The following MYH15 variants were observed in gnomAD, a reference collection of about 807,000 sequenced individuals.
MYH15 encodes myosin heavy chain 15.
Under a neutral mutation model 240.5 loss-of-function variants are expected in MYH15, and 227 were observed. The ratio of observed to expected loss-of-function variants is 0.94; its 90% CI spans 0.85 to 1.05. The LOEUF is 1.05. MYH15 is among the 50% of genes least tolerant of loss of function. The pLI, the probability that MYH15 is intolerant of heterozygous loss-of-function variation, is 0.00. For missense variants in MYH15, 2,217 were observed against 2,247.5 expected (o/e 0.99, Z 0.27); for synonymous variants, 785 against 796.7 (o/e 0.99, Z 0.25).
upstream of MYH15, among the ~76,000 whole-genome samples, chr3:108,513,250 T>C (rs577644122): frequency 6.0e-4 from 92 of 152,276 alleles, no homozygotes; most frequent in South Asian, 4.1e-3. Context: ...GAAAAGTTCA[T>C]CTACATGTTG....
intron 1 of MYH15, among the ~76,000 whole-genome samples, chr3:108,524,375 TTTATC>T (rs1026070925): frequency 1.6e-4 from 24 of 152,168 alleles, no homozygotes; most frequent in Admixed American, 9.8e-4. Flanking sequence ...TTTTATTTCG[TTTATC>T]TTGTCTACTT....
chr3:108,533,787 A>G (rs1045426762), upstream of MYH15, among the ~76,000 whole-genome samples: 12 of 152,194 alleles, frequency 7.9e-5, no homozygotes, highest in Non-Finnish European at 1.6e-4. Context: ...TAAAAGACGA[A>G]AGCCTAGGTA....
the MYH15 span, among the ~76,000 whole-genome samples, chr3:108,548,468 C>G: frequency 1.3e-5 from 2 of 152,106 alleles, no homozygotes; most frequent in East Asian, 3.8e-4. Context: ...TGGAACACAG[C>G]CATGACTAAT....
chr3:108,410,815 C>T lies in MYH15; in HGVS notation c.4263G>A (p.Leu1421=). Residue 1421 remains leucine, a synonymous_variant, in exon 31 of 41, where the codon CTG becomes CTA. Transcript: ENST00000693548. ...CAGAGCGGACCTTCCCGAGGTCAGA[C>T]AGGGCGTCCCCGAGCTCCAGCTGCA... The part of the protein sequence containing the change: ...HQLQLELGDA[L]SDLGKVRSAA... 2 of 1,614,050 alleles carry T rather than the reference C, an allele frequency of 1.2e-6. No individual in the cohort carries two copies. Among genetic ancestry groups the T allele is most frequent in the Non-Finnish European group, 1.7e-6 (2 of 1,179,904 alleles).
intron 37 of MYH15, 29 bp from the exon 38 acceptor site, chr3:108,389,103 AC>A: frequency 1.9e-6 from 3 of 1,591,218 alleles, no homozygotes; most frequent in Non-Finnish European, 2.6e-6. Context: ...CTCAGACCAG[AC>A]GCTGCCACCA....
chr3:108,455,818 A>G lies in MYH15; in HGVS notation c.2180T>C (p.Phe727Ser), dbSNP rs778111275. The change falls in exon 20 of 41, where the codon TTT (phenylalanine) becomes TCT (serine). Residue 727 changes from phenylalanine (F) to serine (S), a missense_variant. Physicochemically the swap from Phe to Ser is radical, Grantham distance 155. Transcript: ENST00000693548. ...TTCAGCTGCTTTTCTGCTGCTCACA[A>G]ACTTGCTCTTTGGAAAGGTCCTTGG... The part of the protein sequence containing the change: ...LNPRTFPKSK[F>S]VSSRKAAEEL... The G allele has an allele frequency of 6.2e-7, 1 of 1,613,392 alleles. No individual in the cohort carries two copies. The highest frequency in any genetic ancestry group is 1.1e-5 in the South Asian group (1 of 91,050).
At chr3:108,486,027 C>T (rs2107596171) in intron 10 of MYH15, among the ~76,000 whole-genome samples, 1 of 152,222 alleles carries the variant, frequency 6.6e-6, no homozygotes, top group Admixed American at 6.5e-5. Context: ...ATTTGAAATG[C>T]TTAAACGATT....
In MYH15 at chr3:108,441,076, T is replaced by C. The variant is rs2082880807; in HGVS notation, c.2840A>G (p.Asp947Gly). ...CTTCACCAACATTGTTTCCAGGTCA[T>C]CGATTTCTTTCTTCAACTCAAAACA... ...DECFELKKEI[D>G]DLETMLVKSE... Residue 947 changes from aspartate (D) to glycine (G), a missense_variant, in exon 23 of 41, where the codon GAT (aspartate) becomes GGT (glycine). Transcript: ENST00000693548. 1 of 1,614,206 alleles carries C rather than the reference T, an allele frequency of 6.2e-7. No individual in the cohort carries two copies. The highest frequency in any genetic ancestry group is 8.5e-7 in the Non-Finnish European group (1 of 1,180,020).
In MYH15 at chr3:108,414,232, T is replaced by A. The variant is rs770556828; in HGVS notation, c.4145A>T (p.Lys1382Met). ...TTAAGGATAGCCTTGCCCTACTCAC[T>A]TGGCATCCTCCAAGTCTTCTGTTCT... ...IQRTEDLEDA[K>M]KELAIRLQEA... Residue 1382 changes from lysine to methionine, a missense_variant and splice_region_variant, in exon 30 of 41, where the codon AAG (lysine) becomes ATG (methionine). Coordinates refer to ENST00000693548, the MANE Select transcript of MYH15 (RefSeq NM_014981.3). The A allele has an allele frequency of 3.1e-6, 5 of 1,613,846 alleles. No individual in the cohort carries two copies. In the Admixed American group the frequency reaches 8.3e-5, roughly 27 times the overall value.
intron 27 of MYH15, among the ~76,000 whole-genome samples, chr3:108,424,072 T>C (rs1470667868): frequency 6.6e-6 from 1 of 152,292 alleles, no homozygotes; most frequent in East Asian, 2.0e-4. Context: ...TGCTGTGCTA[T>C]GCACCTGTGT....
intron 11 of MYH15, among the ~76,000 whole-genome samples, chr3:108,479,569 C>A (rs1243212403): frequency 1.3e-5 from 2 of 152,016 alleles, no homozygotes; most frequent in African/African-American, 4.8e-5. Flanking sequence ...CTGAAATTCA[C>A]CCACAGAAAT....
chr3:108,397,781 T>C (rs1271000393), intron 35 of MYH15, among the ~76,000 whole-genome samples: 1 of 152,186 alleles, frequency 6.6e-6, no homozygotes, highest in Admixed American at 6.5e-5. Context: ...TGTTAGGGCT[T>C]TCCTGGCTCC....
Position 108,480,405 on chromosome 3 carries a change from C to T in MYH15, c.1115-3890G>A, listed in dbSNP as rs138113365. 3.5e-4 allele frequency among the ~76,000 whole-genome samples: 54 copies of T among 152,264 alleles called. 1 individual carries two copies. The South Asian group carries it at 5.0e-3, about 14-fold the overall frequency. ...GGAGTGAGTGAGAAACTGAGAAAAGCGGGTGACTTCTGGTCGCAGAAGACA... is the reference window on the plus strand; with the variant it reads ...GGAGTGAGTGAGAAACTGAGAAAAGTGGGTGACTTCTGGTCGCAGAAGACA... On this transcript the variant is annotated intron_variant, in intron 11 of 40. Coordinates refer to ENST00000693548, the MANE Select transcript of MYH15 (RefSeq NM_014981.3).
intron 1 of MYH15, among the ~76,000 whole-genome samples, chr3:108,527,706 C>G (rs1191487201): frequency 1.3e-5 from 2 of 150,302 alleles, no homozygotes; most frequent in East Asian, 3.9e-4. Context: ...TATCAAGGAG[C>G]TTAGAGGTTA....
chr3:108,513,174 A>G (rs532036091), upstream of MYH15, among the ~76,000 whole-genome samples: 85 of 152,304 alleles, frequency 5.6e-4, 1 homozygote, highest in Non-Finnish European at 9.6e-4. Flanking sequence ...AAGAATCAGG[A>G]AGCTATATTT....
At position 108,485,244 on chromosome 3, in the gene MYH15, A is replaced by G; in HGVS notation, c.976-15T>C. ...TCCATGGCTTGCTGTAAAAAGAGAA[A>G]CAGATGGCCCTGTCTTCATTTGCTT... is the stretch of plus-strand genomic sequence containing the variant. On this transcript the variant is annotated splice_polypyrimidine_tract_variant and intron_variant, in intron 10 of 40. Transcript: ENST00000693548. 5 of 1,613,580 alleles carry G rather than the reference A, an allele frequency of 3.1e-6. No homozygotes were observed. Among genetic ancestry groups the G allele is most frequent in the Non-Finnish European group, 4.2e-6 (5 of 1,179,782 alleles).
chr3:108,407,816 A>C (rs2082557856), intron 32 of MYH15, among the ~76,000 whole-genome samples: 1 of 152,212 alleles, frequency 6.6e-6, no homozygotes, highest in South Asian at 2.1e-4. Flanking sequence ...CATGCCAGGC[A>C]ATGTTCTAGG....
chr3:108,515,865 C>T (rs2083568554), intron 1 of MYH15, among the ~76,000 whole-genome samples: 1 of 152,152 alleles, frequency 6.6e-6, no homozygotes, highest in African/African-American at 2.4e-5. Flanking sequence ...GGGAAATTCA[C>T]ATAGTGGCAG....
chr3:108,414,419 C>T lies in MYH15; in HGVS notation c.3958G>A (p.Ala1320Thr), dbSNP rs143032325. The T allele has an allele frequency of 5.0e-5, 81 of 1,613,710 alleles. No homozygotes were observed. The East Asian group carries it at 8.9e-4, about 18-fold the overall frequency. The change falls in exon 30 of 41, where the codon GCC becomes ACC. Residue 1320 changes from alanine (A) to threonine (T), a missense_variant. By Grantham distance (58) the Ala-to-Thr change is moderately conservative (BLOSUM62 0). Coordinates refer to ENST00000693548, the MANE Select transcript of MYH15 (RefSeq NM_014981.3). ...GCCTTCTGCAGGGCATGGGCCAGGG[C>T]ACTCTGGGACTGTAGGGGACACACA... is the stretch of plus-strand genomic sequence containing the variant. Reference protein sequence around the residue: ...QLEKETKSQSALAHALQKAQR... With the variant: ...QLEKETKSQSTLAHALQKAQR...
Sources: gnomAD v4.1 joint callset for allele counts (sites outside exome capture counted in the v4.1 genomes callset) on GRCh38, gnomAD v4.1.1 for gene constraint, MANE v1.5 for transcripts, NCBI Gene and HGNC (gene_info 2026-07-23, HGNC 2026-07-21) for gene names.